Variants in CRAT observed in about 807,000 individuals in gnomAD.
CRAT encodes the protein carnitine O-acetyltransferase.
CRAT carries 66 observed loss-of-function variants against 73.7 expected under a neutral mutation model. That is an observed-to-expected ratio of 0.90 (90% CI 0.73 to 1.10). CRAT has a LOEUF of 1.10. Ranked by LOEUF, CRAT falls within the 50% of genes least tolerant of loss-of-function variation. The pLI, the probability that CRAT is intolerant of heterozygous loss-of-function variation, is 0.00. For synonymous variants in CRAT, 321 were observed against 343.2 expected (o/e 0.94, Z 0.71); for missense variants, 745 against 846.9 (o/e 0.88, Z 1.49).
chr9:129,108,671 A>C, intron 1 of CRAT: 1 of 1,264,660 alleles, frequency 7.9e-7, no homozygotes, highest in Non-Finnish European at 1.0e-6. Flanking sequence ...AGAGAAAGAG[A>C]AAGTCCAGGA....
intron 8 of CRAT, among the ~76,000 whole-genome samples, chr9:129,099,555 T>C (rs1318279197): frequency 6.6e-6 from 1 of 151,190 alleles, no homozygotes; most frequent in African/African-American, 2.4e-5. Flanking sequence ...GCCTCCTGAG[T>C]AACTGGGATT....
chr9:129,103,501 G>A lies in CRAT; in HGVS notation c.411-435C>T, dbSNP rs779777469. The stretch of plus-strand genomic sequence containing the variant: ...GGTGTGATGGGAGAGCAGTGGCTCC[G>A]GTGTTCCCTCCACTAGGTCCCTTCC... On this transcript the variant is annotated intron_variant, in intron 3 of 13. Coordinates refer to ENST00000318080, the MANE Select transcript of CRAT (RefSeq NM_000755.5). This position sits in a 1 kb window ranked among gnomAD's most constrained non-coding sequence, Gnocchi z 4.6. 1.3e-5 allele frequency among the ~76,000 whole-genome samples: 2 copies of A among 152,114 alleles called. No homozygotes were observed. The highest frequency in any genetic ancestry group is 4.8e-5 in the African/African-American group (2 of 41,404).
At chr9:129,109,131 A>G in intron 1 of CRAT, 1 of 1,303,806 alleles carries the variant, frequency 7.7e-7, no homozygotes, top group South Asian at 1.2e-5. Context: ...TCTTCTCTGC[A>G]TGGGCTCAGT....
intron 1 of CRAT, chr9:129,108,554 G>A: frequency 8.9e-7 from 1 of 1,117,496 alleles, no homozygotes; most frequent in Non-Finnish European, 1.1e-6. Flanking sequence ...TTCGGGTGAG[G>A]GGCCTTGGGC....
At position 129,106,095 on chromosome 9, in the gene CRAT, C is replaced by T. The variant is rs76757816; in HGVS notation, c.291+1719G>A. On this transcript the variant is annotated intron_variant, in intron 2 of 13. Coordinates refer to ENST00000318080, the MANE Select transcript of CRAT (RefSeq NM_000755.5). This position sits in a 1 kb window ranked among gnomAD's most constrained non-coding sequence, Gnocchi z 4.0. ...ATGCGCCTCTTCATCACACGCACTC[C>T]CCTGCAGCACTGGGCCACTAGCCTT... Among the ~76,000 whole-genome samples, 1,462 of 152,252 alleles carry T rather than the reference C, an allele frequency of 9.6e-3. 46 individuals carry two copies. In the East Asian group the frequency reaches 0.11, roughly 12 times the overall value.
intron 6 of CRAT, 127 bp from the exon 7 acceptor site, chr9:129,100,816 A>AC (rs1044213785): frequency 2.3e-5 from 27 of 1,149,830 alleles, no homozygotes; most frequent in Admixed American, 1.1e-4. Context: ...GGATGAGGAG[A>AC]CCCCCCACCT....
chr9:129,104,891 A>C (rs1266073955), intron 2 of CRAT, among the ~76,000 whole-genome samples: 1 of 137,044 alleles, frequency 7.3e-6, no homozygotes, highest in Admixed American at 7.8e-5. Context: ...GGCATGAGCC[A>C]CTGTGCCCGG....
chr9:129,100,107 G>A, intron 7 of CRAT, 141 bp from the exon 8 acceptor site: 1 of 630,082 alleles, frequency 1.6e-6, no homozygotes, highest in East Asian at 2.7e-5. Context: ...ATTAACAATA[G>A]CTGACACTCA....
intron 12 of CRAT, 98 bp downstream of exon 12, chr9:129,097,152 G>T (rs896360632): frequency 1.8e-6 from 2 of 1,086,642 alleles, no homozygotes; most frequent in Non-Finnish European, 2.6e-6. Flanking sequence ...TCCTAGCAAA[G>T]GGTTGGCAGC....
At position 129,110,502 on chromosome 9, in the gene CRAT, G is replaced by A; in HGVS notation, c.8C>T (p.Ala3Val). Residue 3 changes from alanine to valine, a missense_variant, in exon 1 of 14, where the codon GCC (alanine) becomes GTC (valine). Transcript: ENST00000318080. The surrounding 1 kb of genome is among the most constrained non-coding windows in gnomAD (Gnocchi z 5.3). ...ACTCACCACGGTCCTGGCAGCGAAG[G>A]CTAACATCTTCGCTGCCCGTCCGCG... MLAFAARTVVKPL... is the reference protein window; with the variant it reads MLVFAARTVVKPL... The A allele has an allele frequency of 6.3e-7, 1 of 1,581,362 alleles. No homozygotes were observed. The highest frequency in any genetic ancestry group is 1.1e-5 in the South Asian group (1 of 87,438).
intron 1 of CRAT, chr9:129,108,564 C>T (rs1163754369): frequency 1.8e-6 from 2 of 1,101,008 alleles, no homozygotes; most frequent in Non-Finnish European, 2.3e-6. Flanking sequence ...GGGCCTTGGG[C>T]TTCCTCCTGC....
At chr9:129,104,608 CT>C (rs11314279) in intron 2 of CRAT, among the ~76,000 whole-genome samples, 142,375 of 144,406 alleles carry the variant, frequency 0.99, 70,185 homozygotes, top group Middle Eastern at 1. Flanking sequence ...TGAACGAATT[CT>C]TTTTTTTTTT....
chr9:129,099,716 G>A (rs554780837), intron 8 of CRAT, 150 bp downstream of exon 8: 41 of 578,218 alleles, frequency 7.1e-5, no homozygotes, highest in African/African-American at 6.4e-4. Context: ...GATTACAGGC[G>A]TGAGCCACCA....
rs1483320259 is a variant in CRAT, at chr9:129,110,776, T to G, written c.-267A>C. On this transcript the variant is annotated 5_prime_UTR_variant, in exon 1 of 14. Transcript: ENST00000318080. The surrounding 1 kb of genome is among the most constrained non-coding windows in gnomAD (Gnocchi z 5.3). Reference sequence around the variant, plus strand: ...GGGCGGGCAACGGTGCCCGGGAGGTTGGCTGTGGGGCGGGGACGGGGCATC... The same window carrying G: ...GGGCGGGCAACGGTGCCCGGGAGGTGGGCTGTGGGGCGGGGACGGGGCATC... The G allele has an allele frequency of 1.4e-5, 5 of 350,230 alleles. No homozygotes were observed. The highest frequency in any genetic ancestry group is 5.5e-5 in the Admixed American group (1 of 18,038). 21.7% of individuals were successfully genotyped at this position (350,230 alleles called of 1,614,324 possible). A position where few individuals can be genotyped will look rare whatever the true frequency, so the allele number is the denominator to read the frequency against.
chr9:129,108,375 C>T, intron 1 of CRAT: 1 of 1,221,030 alleles, frequency 8.2e-7, no homozygotes. Context: ...GGACCGCCCA[C>T]CTGTTGGGTT....
Position 129,107,756 on chromosome 9 carries a change from C to T in CRAT, c.291+58G>A, listed in dbSNP as rs561974867. Reference sequence around the variant, plus strand: ...AACGGCCGTGCCAGAGCAGTGGGCACTGGAGAACTGTGCATGTGCAGCCAG... The same window carrying T: ...AACGGCCGTGCCAGAGCAGTGGGCATTGGAGAACTGTGCATGTGCAGCCAG... On this transcript the variant is annotated intron_variant, in intron 2 of 13. Transcript: ENST00000318080. This position sits in a 1 kb window ranked among gnomAD's most constrained non-coding sequence, Gnocchi z 5.0. 5 of 1,612,488 alleles carry T rather than the reference C, an allele frequency of 3.1e-6. No individual in the cohort carries two copies. The East Asian group carries it at 8.9e-5, about 29-fold the overall frequency.
At position 129,101,807 on chromosome 9, in the gene CRAT, C is replaced by G. The variant is rs953464687; in HGVS notation, c.805+76G>C. The stretch of plus-strand genomic sequence containing the variant: ...TTGCCAGCAGACTTCGGGTACCCTA[C>G]AGGTGGAGTTGAGGCTGGTCCCCAA... On this transcript the variant is annotated intron_variant, in intron 6 of 13. Coordinates refer to ENST00000318080, the MANE Select transcript of CRAT (RefSeq NM_000755.5). The G allele has an allele frequency of 5.3e-6, 8 of 1,510,434 alleles. No homozygotes were observed. In the African/African-American group the frequency reaches 9.7e-5, roughly 18 times the overall value. 93.6% of individuals were successfully genotyped at this position (1,510,434 alleles called of 1,614,324 possible). A position where few individuals can be genotyped will look rare whatever the true frequency, so the allele number is the denominator to read the frequency against.
chr9:129,098,184 G>T (rs1847410722), intron 10 of CRAT, 36 bp from the exon 11 acceptor site: 2 of 1,612,792 alleles, frequency 1.2e-6, no homozygotes, highest in Non-Finnish European at 1.7e-6. Context: ...CCCCTTGGAG[G>T]CGGGCACCCC....
At chr9:129,108,877 C>G (rs1588464746) in intron 1 of CRAT, 1 of 1,301,552 alleles carries the variant, frequency 7.7e-7, no homozygotes, top group East Asian at 5.5e-5. Context: ...TGAGCAGAAC[C>G]TAGCCAGAGG....
Sources: gnomAD v4.1 joint callset for allele counts (sites outside exome capture counted in the v4.1 genomes callset) on GRCh38, gnomAD v4.1.1 for gene constraint, Gnocchi (gnomAD v3.1) non-coding constraint, MANE v1.5 for transcripts, NCBI Gene and HGNC (gene_info 2026-07-23, HGNC 2026-07-21) for gene names.